Variants in ABCC4 observed in about 807,000 individuals in gnomAD.
ABCC4 encodes ATP-binding cassette sub-family C member 4.
Under a neutral mutation model 168.5 loss-of-function variants are expected in ABCC4, and 102 were observed. That is an observed-to-expected ratio of 0.61 (90% CI 0.52 to 0.71). The LOEUF (loss-of-function observed/expected upper bound fraction) is 0.71, where lower values mean the gene tolerates loss of function less well. Among genes scored for constraint, ABCC4 ranks in the 30% least tolerant of loss-of-function variants. The pLI is 0.00. For synonymous variants in ABCC4, 617 were observed against 590.7 expected (o/e 1.04, Z -0.65); for missense variants, 1,402 against 1,605.8 (o/e 0.87, Z 2.17).
chr13:95,255,421 A>G (rs1218141801), intron 1 of ABCC4, among the ~76,000 whole-genome samples: 1 of 152,134 alleles, frequency 6.6e-6, no homozygotes, highest in Admixed American at 6.5e-5. Flanking sequence ...TCCATGCCCT[A>G]AAGTTCAACG....
chr13:95,075,603 C>G (rs1240818340), intron 21 of ABCC4, 52 bp from the exon 22 acceptor site: 7 of 1,609,336 alleles, frequency 4.3e-6, no homozygotes, highest in Non-Finnish European at 5.9e-6. Flanking sequence ...GCAGAAAAAC[C>G]TGCGGCCTCC....
chr13:95,177,836 G>A (rs980943250), intron 12 of ABCC4, 43 bp from the exon 13 acceptor site: 1 of 1,567,324 alleles, frequency 6.4e-7, no homozygotes, highest in Admixed American at 1.7e-5. Context: ...CCAGGAACAT[G>A]ACAACTTTCA....
chr13:95,138,561 T>A (rs2036211275), intron 19 of ABCC4, among the ~76,000 whole-genome samples: 1 of 152,124 alleles, frequency 6.6e-6, no homozygotes, highest in East Asian at 1.9e-4. Context: ...CGATGGCTCA[T>A]GCCTGGAATC....
intron 13 of ABCC4, among the ~76,000 whole-genome samples, chr13:95,173,400 C>T (rs759442961): frequency 1.2e-4 from 18 of 152,208 alleles, no homozygotes; most frequent in African/African-American, 4.1e-4. Flanking sequence ...ACAGAGAAAG[C>T]GCCATGCCCT....
chr13:95,184,163 C>T (rs920341188), intron 11 of ABCC4, among the ~76,000 whole-genome samples: 1 of 152,212 alleles, frequency 6.6e-6, no homozygotes, highest in Non-Finnish European at 1.5e-5. Context: ...GGACACTATC[C>T]GAGTTACTGG....
chr13:95,245,847 G>A (rs950112130), intron 3 of ABCC4, among the ~76,000 whole-genome samples: 15 of 151,536 alleles, frequency 9.9e-5, no homozygotes, highest in Middle Eastern at 3.4e-3. Context: ...TTCAACAGGA[G>A]CAAACCCCCC....
chr13:95,132,974 A>T (rs977541846), intron 19 of ABCC4, among the ~76,000 whole-genome samples: 1 of 152,106 alleles, frequency 6.6e-6, no homozygotes, highest in African/African-American at 2.4e-5. Flanking sequence ...GAAGATGGAT[A>T]AGTTCAGGAG....
chr13:95,158,071 CAAA>C (rs35037278), intron 19 of ABCC4, among the ~76,000 whole-genome samples: 3 of 84,656 alleles, frequency 3.5e-5, no homozygotes, highest in Non-Finnish European at 5.4e-5. Flanking sequence ...GACTCCGTCT[CAAA>C]AAAAAAAAAA....
At chr13:95,022,670 G>A (rs765349048) in intron 30 of ABCC4, among the ~76,000 whole-genome samples, 6 of 152,132 alleles carry the variant, frequency 3.9e-5, no homozygotes, top group Non-Finnish European at 5.9e-5. Context: ...AGGCTGACAC[G>A]TGTCACCTGG....
intron 1 of ABCC4, among the ~76,000 whole-genome samples, chr13:95,274,936 G>A (rs1466762610): frequency 6.6e-6 from 1 of 152,160 alleles, no homozygotes; most frequent in African/African-American, 2.4e-5. Context: ...AATTAGCCAG[G>A]TGTGGTGGTG....
chr13:95,212,278 G>A (rs7332836), intron 4 of ABCC4, among the ~76,000 whole-genome samples: 114,580 of 151,298 alleles, frequency 0.76, 43,978 homozygotes, highest in Non-Finnish European at 0.84. Context: ...AAGGGAAGGA[G>A]AGAGACCAGC....
chr13:95,247,058 C>G lies in ABCC4; in HGVS notation c.223G>C (p.Ala75Pro). Reference protein sequence around the residue: ...DKEVLRAENDAQKPSLTRAII... With the variant: ...DKEVLRAENDPQKPSLTRAII... ...GCTCTTGTTAAAGAAGGCTTCTGTG[C>G]GTCATTCTCAGCTCTTAAAACTTCT... The change falls in exon 3 of 31, where the codon GCA becomes CCA. Residue 75 changes from alanine to proline, a missense_variant. Ala to Pro is a conservative substitution (Grantham distance 27). This residue lies in a region of ABCC4 where 317 missense variants were observed against 345.5 expected (regional missense o/e 0.92). Coordinates refer to ENST00000645237, the MANE Select transcript of ABCC4 (RefSeq NM_005845.5). The G allele has an allele frequency of 6.2e-7, 1 of 1,613,400 alleles. No homozygotes were observed. Among genetic ancestry groups the G allele is most frequent in the South Asian group, 1.1e-5 (1 of 91,036 alleles).
chr13:95,057,786 C>T (rs1594022907), intron 26 of ABCC4, among the ~76,000 whole-genome samples: 1 of 152,250 alleles, frequency 6.6e-6, no homozygotes, highest in Non-Finnish European at 1.5e-5. Context: ...CTTGCCCAAA[C>T]ATGGCCATTC....
chr13:95,075,695 C>T (rs1566395670), intron 21 of ABCC4, 144 bp from the exon 22 acceptor site: 2 of 1,064,266 alleles, frequency 1.9e-6, no homozygotes, highest in Non-Finnish European at 2.6e-6. Context: ...AATAAATGTT[C>T]CCAATAGCCT....
chr13:95,234,758 G>A lies in ABCC4; in HGVS notation c.383C>T (p.Ser128Phe). The change falls in exon 4 of 31, where the codon TCT becomes TTT. Residue 128 changes from serine to phenylalanine, a missense_variant. Transcript: ENST00000645237. ...GGCGTACGCTGTGTTCAAAGCCACA[G>A]AATCCATGGGATCATAATTTTCAAA... ...NYFENYDPMD[S>F]VALNTAYAYA... 6.2e-7 allele frequency: 1 copy of A among 1,613,766 alleles called. No individual in the cohort carries two copies. The highest frequency in any genetic ancestry group is 8.5e-7 in the Non-Finnish European group (1 of 1,179,866).
At chr13:95,239,786 C>A (rs545765310) in intron 3 of ABCC4, among the ~76,000 whole-genome samples, 1 of 152,220 alleles carries the variant, frequency 6.6e-6, no homozygotes, top group Admixed American at 6.5e-5. Context: ...CAAAATTAAT[C>A]ATTTCTCCTG....
intron 19 of ABCC4, among the ~76,000 whole-genome samples, chr13:95,135,073 C>T (rs959828374): frequency 4.6e-5 from 7 of 152,140 alleles, no homozygotes; most frequent in African/African-American, 1.4e-4. Flanking sequence ...ATTATTGTCT[C>T]CCTTACGCAA....
chr13:95,157,088 C>CA (rs2036886994), intron 19 of ABCC4, among the ~76,000 whole-genome samples: 1 of 134,618 alleles, frequency 7.4e-6, no homozygotes, highest in African/African-American at 3.0e-5. Flanking sequence ...TGAGACTCTA[C>CA]CACACACACA....
chr13:95,301,409 C>G lies in ABCC4; in HGVS notation c.-95G>C. ...TGGACCTCAAGCAGGGATGCTGGGG[C>G]TCCGGCCGCCACGCCTGTCCGCTCG... On this transcript the variant is annotated 5_prime_UTR_variant, in exon 1 of 31. Coordinates refer to ENST00000645237, the MANE Select transcript of ABCC4 (RefSeq NM_005845.5). The G allele has an allele frequency of 8.9e-7, 1 of 1,120,136 alleles. No individual in the cohort carries two copies. Among genetic ancestry groups the G allele is most frequent in the Non-Finnish European group, 1.2e-6 (1 of 815,552 alleles). The allele number at this position is 1,120,136 out of a possible 1,614,324, so 69.4% of individuals were successfully genotyped here. A position where few individuals can be genotyped will look rare whatever the true frequency, so the allele number is the denominator to read the frequency against.
Sources: allele counts gnomAD v4.1 joint callset (sites outside exome capture counted in the v4.1 genomes callset), GRCh38; gene constraint gnomAD v4.1.1; regional missense constraint gnomAD v4.1.1; transcripts MANE v1.5; gene names NCBI Gene and HGNC (gene_info 2026-07-23, HGNC 2026-07-21).